LRP1: variants seen among roughly 807,000 people sequenced by gnomAD.
The protein encoded by LRP1 is prolow-density lipoprotein receptor-related protein 1.
A neutral mutation model predicts 541.5 loss-of-function variants in LRP1; 51 were observed. That is an observed-to-expected ratio of 0.09 (90% CI 0.08 to 0.12). The LOEUF is 0.12. Among genes scored for constraint, LRP1 ranks in the 10% least tolerant of loss-of-function variants. The pLI is 1.00. For synonymous variants in LRP1, 2,219 were observed against 2,470.8 expected, an observed-to-expected ratio of 0.90 and a Z score of 3.02; for missense variants, 3,878 against 6,376.2, an observed-to-expected ratio of 0.61 and a Z score of 13.34.
intron 1 of LRP1, among the ~76,000 whole-genome samples, chr12:57,134,927 G>A (rs1362636012): frequency 2.0e-5 from 3 of 152,106 alleles, no homozygotes; most frequent in Non-Finnish European, 4.4e-5. Flanking sequence ...GGATGGTCTC[G>A]ATCTCCTGAC....
Position 57,193,919 on chromosome 12 carries a change from G to A in LRP1, c.7825G>A (p.Glu2609Lys), listed in dbSNP as rs1555186418. 3.7e-6 allele frequency: 6 copies of A among 1,613,976 alleles called. No individual in the cohort carries two copies. Among genetic ancestry groups the A allele is most frequent in the African/African-American group, 2.7e-5 (2 of 74,936 alleles). The change falls in exon 48 of 89, where the codon GAG becomes AAG. Residue 2609 changes from glutamate (E) to lysine (K), a missense_variant. By Grantham distance (56) the Glu-to-Lys change is moderately conservative. This residue lies in a region of LRP1 where 1,100 missense variants were observed against 1,827.4 expected (regional missense o/e 0.60). Coordinates refer to ENST00000243077, the MANE Select transcript of LRP1 (RefSeq NM_002332.3). ...PCNKTACGVG[E>K]FRCRDGTCIG... ...TCTAGAGACAGCCTGTGGTGTGGGC[G>A]AGTTCCGCTGCCGGGACGGGACCTG...
Position 57,179,480 on chromosome 12 carries a change from C to T in LRP1, c.4890C>T (p.Tyr1630=). ...LDYDAREQRV[Y]WSDVRTQAIK... ...ACGATGCCCGCGAGCAGCGTGTGTA[C>T]TGGTCTGACGTGCGGACACAGGCCA... Residue 1630 remains tyrosine (Y), a synonymous_variant, in exon 29 of 89, where the codon TAC becomes TAT. Transcript: ENST00000243077. This position sits in a 1 kb window ranked among gnomAD's most constrained non-coding sequence, Gnocchi z 6.8. 6.2e-7 allele frequency: 1 copy of T among 1,614,238 alleles called. No homozygotes were observed. Among genetic ancestry groups the T allele is most frequent in the Non-Finnish European group, 8.5e-7 (1 of 1,180,036 alleles).
rs2036259080 is a variant in LRP1 at position 57,185,826 on chromosome 12, T to C, written c.6759T>C (p.Asn2253=). 6.2e-7 allele frequency: 1 copy of C among 1,614,076 alleles called. No homozygotes were observed. The highest frequency in any genetic ancestry group is 8.5e-7 in the Non-Finnish European group (1 of 1,180,004). Residue 2253 remains asparagine, a synonymous_variant, in exon 41 of 89, where the codon AAT becomes AAC. Coordinates refer to ENST00000243077, the MANE Select transcript of LRP1 (RefSeq NM_002332.3). This position sits in a 1 kb window ranked among gnomAD's most constrained non-coding sequence, Gnocchi z 4.9. ...CAGGCACCTCTCCGGGCACCCCCAA[T>C]CGCATCTTCTTCAGCGACATCCACT... is the stretch of plus-strand genomic sequence containing the variant. ...YRAGTSPGTP[N]RIFFSDIHFG... is the part of the protein sequence containing the mutation.
Position 57,197,815 on chromosome 12 carries a change from C to G in LRP1, c.9282+151C>G. ...GCTTGTTCTAGCTGCTCACTCTCCT[C>G]TGGGCCCAGACAGCAAGGACTGGGA... is the stretch of plus-strand genomic sequence containing the variant. On this transcript the variant is annotated intron_variant, in intron 58 of 88. Transcript: ENST00000243077. This position sits in a 1 kb window ranked among gnomAD's most constrained non-coding sequence, Gnocchi z 4.5. 1 of 916,012 alleles carries G rather than the reference C, an allele frequency of 1.1e-6. No individual in the cohort carries two copies. The highest frequency in any genetic ancestry group is 1.7e-5 in the South Asian group (1 of 58,740). 56.7% of individuals were successfully genotyped at this position (916,012 alleles called of 1,614,324 possible).
At position 57,162,848 on chromosome 12, in the gene LRP1, T is replaced by C; in HGVS notation, c.2405-10T>C. The C allele has an allele frequency of 6.2e-6, 10 of 1,604,908 alleles. No individual in the cohort carries two copies. The highest frequency in any genetic ancestry group is 8.5e-6 in the Non-Finnish European group (10 of 1,176,054). On this transcript the variant is annotated splice_polypyrimidine_tract_variant and intron_variant, in intron 14 of 88. Transcript: ENST00000243077. The surrounding 1 kb of genome is among the most constrained non-coding windows in gnomAD (Gnocchi z 5.2). ...CTCCCTTTGCCTTTCCCCATGGCCC[T>C]TCCCCACAGTTGGCACCAACAAATG... is the stretch of plus-strand genomic sequence containing the variant.
chr12:57,143,205 C>T (rs113540824), intron 3 of LRP1, among the ~76,000 whole-genome samples: 135 of 152,286 alleles, frequency 8.9e-4, no homozygotes, highest in Middle Eastern at 3.4e-3. Flanking sequence ...TCTAGGGCTC[C>T]GGGGATGGGT....
At position 57,158,882 on chromosome 12, in the gene LRP1, G is replaced by T. The variant is rs1370629903; in HGVS notation, c.1798+244G>T. Among the ~76,000 whole-genome samples the T allele has an allele frequency of 3.3e-5, 5 of 152,142 alleles. No homozygotes were observed. In the South Asian group the frequency reaches 1.0e-3, roughly 32 times the overall value. On this transcript the variant is annotated intron_variant, in intron 11 of 88. Transcript: ENST00000243077. The surrounding 1 kb of genome is among the most constrained non-coding windows in gnomAD (Gnocchi z 5.3). ...CTTGCCAGCCCTTGGGAAAACTCAG[G>T]GTCTGTCTGCATTGGCTTAGAGCCC... is the stretch of plus-strand genomic sequence containing the variant.
chr12:57,183,929 G>A lies in LRP1; in HGVS notation c.5929+20G>A. ...TCGCAGGTGAGCAGTGGGCAGGTTT[G>A]TGGGGCTTGGGGTGTGGCAGAGGAC... On this transcript the variant is annotated intron_variant, in intron 36 of 88. Transcript: ENST00000243077. This position sits in a 1 kb window ranked among gnomAD's most constrained non-coding sequence, Gnocchi z 6.1. 1.2e-6 allele frequency: 2 copies of A among 1,614,040 alleles called. No individual in the cohort carries two copies. Among genetic ancestry groups the A allele is most frequent in the South Asian group, 1.1e-5 (1 of 91,078 alleles).
rs1592635243 is a variant in LRP1 at position 57,178,413 on chromosome 12, T to C, written c.4416T>C (p.Leu1472=). The C allele has an allele frequency of 6.2e-7, 1 of 1,614,174 alleles. No individual in the cohort carries two copies. The highest frequency in any genetic ancestry group is 8.5e-7 in the Non-Finnish European group (1 of 1,180,012). ...ACGGCTCTGGCCACATGGAGGTGCT[T>C]CGGGGACACGAGTTCCTGTCGCACC... ...RYDGSGHMEV[L]RGHEFLSHPF... The change falls in exon 27 of 89, where the codon CTT becomes CTC. Residue 1472 remains leucine, a synonymous_variant. Coordinates refer to ENST00000243077, the MANE Select transcript of LRP1 (RefSeq NM_002332.3). This position sits in a 1 kb window ranked among gnomAD's most constrained non-coding sequence, Gnocchi z 5.8.
intron 19 of LRP1, 93 bp downstream of exon 19, chr12:57,167,617 C>A: frequency 1.0e-6 from 1 of 982,408 alleles, no homozygotes. Context: ...CAGAATCCAG[C>A]AGGGCCTCCC....
chr12:57,203,394 C>G lies in LRP1; in HGVS notation c.10824C>G (p.Asp3608Glu). ...GCCTGTGCCCATGCCCACAGAAAGACTGCACCCCCCGCTGTGACATGGACC... is the reference window on the plus strand; with the variant it reads ...GCCTGTGCCCATGCCCACAGAAAGAGTGCACCCCCCGCTGTGACATGGACC... ...HDCADGSDEKDCTPRCDMDQF... is the reference protein window; with the variant it reads ...HDCADGSDEKECTPRCDMDQF... The change falls in exon 70 of 89, where the codon GAC (aspartate) becomes GAG (glutamate). Residue 3608 changes from aspartate (D) to glutamate (E), a missense_variant. Transcript: ENST00000243077. 2 of 1,607,118 alleles carry G rather than the reference C, an allele frequency of 1.2e-6. No individual in the cohort carries two copies. Among genetic ancestry groups the G allele is most frequent in the Non-Finnish European group, 8.5e-7 (1 of 1,175,714 alleles).
chr12:57,135,554 C>G (rs1031724884), intron 1 of LRP1, among the ~76,000 whole-genome samples: 6 of 152,216 alleles, frequency 3.9e-5, no homozygotes, highest in Admixed American at 2.0e-4. Context: ...TCAGCCTTCT[C>G]GCTCCAGATT....
intron 31 of LRP1, 75 bp downstream of exon 31, chr12:57,180,216 T>C: frequency 1.3e-6 from 2 of 1,574,650 alleles, no homozygotes; most frequent in Non-Finnish European, 1.7e-6. Context: ...GGTCCTTCAG[T>C]TGCCCCTCAG....
chr12:57,200,956 C>T (rs2036640874), intron 64 of LRP1, 78 bp from the exon 65 acceptor site: 13 of 1,604,192 alleles, frequency 8.1e-6, no homozygotes, highest in Middle Eastern at 3.3e-4. Context: ...CCTGTGTCCT[C>T]CCTGCTGAGG....
Position 57,210,341 on chromosome 12 carries a change from C to T in LRP1, c.12615C>T (p.Phe4205=), listed in dbSNP as rs1192926615. Residue 4205 remains phenylalanine (F), a synonymous_variant, in exon 82 of 89, where the codon TTC becomes TTT. Transcript: ENST00000243077. ...PRPGTCNLQC[F]NGGSCFLNAR... ...CTGGAACCTGTAACCTGCAGTGCTT[C>T]AACGGTGGCAGCTGTTTCCTCAATG... is the stretch of plus-strand genomic sequence containing the variant. 2 of 1,586,150 alleles carry T rather than the reference C, an allele frequency of 1.3e-6. No homozygotes were observed. The highest frequency in any genetic ancestry group is 1.2e-5 in the South Asian group (1 of 85,894).
chr12:57,194,024 C>T lies in LRP1; in HGVS notation c.7918+12C>T, dbSNP rs959612623. On this transcript the variant is annotated intron_variant, in intron 48 of 88. Transcript: ENST00000243077. ...TGAGATGAACTGCAGTGAGTGACGC[C>T]CTTTGCTGGCACCTCCTGGGCTCCT... 1.2e-6 allele frequency: 2 copies of T among 1,610,322 alleles called. No individual in the cohort carries two copies. The highest frequency in any genetic ancestry group is 3.3e-5 in the Admixed American group (2 of 59,964).
chr12:57,184,927 C>T lies in LRP1; in HGVS notation c.6275C>T (p.Ser2092Phe), dbSNP rs1206902386. Reference protein sequence around the residue: ...ETGENREVVLSSNNMDMFSVS... With the variant: ...ETGENREVVLFSNNMDMFSVS... ...GGTGAGAACCGCGAGGTGGTTCTGT[C>T]CAGCAACAACATGGACATGTTTTCA... The change falls in exon 39 of 89, where the codon TCC becomes TTC. Residue 2092 changes from serine to phenylalanine, a missense_variant. Physicochemically the swap from Ser to Phe is radical, Grantham distance 155 (BLOSUM62 -2). Transcript: ENST00000243077. The surrounding 1 kb of genome is among the most constrained non-coding windows in gnomAD (Gnocchi z 7.8). 1 of 1,614,146 alleles carries T rather than the reference C, an allele frequency of 6.2e-7. No homozygotes were observed. The highest frequency in any genetic ancestry group is 8.5e-7 in the Non-Finnish European group (1 of 1,180,020).
Position 57,178,231 on chromosome 12 carries a change from G to C in LRP1, c.4362-128G>C. 1 of 1,104,412 alleles carries C rather than the reference G, an allele frequency of 9.1e-7. No individual in the cohort carries two copies. The highest frequency in any genetic ancestry group is 1.3e-6 in the Non-Finnish European group (1 of 775,366). 68.4% of individuals were successfully genotyped at this position (1,104,412 alleles called of 1,614,324 possible). On this transcript the variant is annotated intron_variant, in intron 26 of 88. Transcript: ENST00000243077. The surrounding 1 kb of genome is among the most constrained non-coding windows in gnomAD (Gnocchi z 5.8). ...GTCTGCTCTGGCCAGCAAGGCTTAG[G>C]GGAGGGAATGGTCCCATGCTCTTCG...
intron 79 of LRP1, among the ~76,000 whole-genome samples, chr12:57,209,463 T>C (rs1057221638): frequency 3.9e-5 from 6 of 152,170 alleles, no homozygotes; most frequent in Admixed American, 6.5e-5. Flanking sequence ...ACGTAGCAAA[T>C]TGGGGGAGAA....
Sources: gnomAD v4.1 joint callset for allele counts (sites outside exome capture counted in the v4.1 genomes callset) on GRCh38, gnomAD v4.1.1 for gene constraint, gnomAD v4.1.1 regional missense constraint, Gnocchi (gnomAD v3.1) non-coding constraint, MANE v1.5 for transcripts, NCBI Gene and HGNC (gene_info 2026-07-23, HGNC 2026-07-21) for gene names.